The following MYO10 variants were observed in gnomAD, a reference collection of about 807,000 sequenced individuals.
The protein encoded by MYO10 is myosin X.
MYO10 carries 133 observed loss-of-function variants against 257.3 expected under a neutral mutation model. The observed-to-expected ratio is 0.52, with a 90% CI of 0.45 to 0.60. MYO10 has a LOEUF of 0.60. MYO10 is among the 20% of genes least tolerant of loss of function. The pLI is 0.00. For synonymous variants in MYO10, 1,104 were observed against 1,028.6 expected (o/e 1.07, Z -1.40); for missense variants, 2,399 against 2,635.7 (o/e 0.91, Z 1.97).
chr5:16,858,655 T>C (rs544384382), intron 2 of MYO10, among the ~76,000 whole-genome samples: 1 of 152,272 alleles, frequency 6.6e-6, no homozygotes, highest in East Asian at 1.9e-4. Context: ...CAGGCTTCCA[T>C]TGCAGTTCTA....
intron 19 of MYO10, among the ~76,000 whole-genome samples, chr5:16,751,666 T>A (rs13169120): frequency 0.25 from 37,621 of 150,238 alleles, 4,868 homozygotes; most frequent in South Asian, 0.33. Context: ...TTTTTTTTTT[T>A]AGTAGAGACG....
At chr5:16,740,040 G>C (rs972007091) in intron 19 of MYO10, among the ~76,000 whole-genome samples, 6 of 152,182 alleles carry the variant, frequency 3.9e-5, no homozygotes, top group African/African-American at 1.4e-4. Context: ...ACAGAGTGAA[G>C]TGCTGAAGAG....
intron 4 of MYO10, among the ~76,000 whole-genome samples, chr5:16,790,349 G>A (rs925871861): frequency 6.6e-6 from 1 of 152,088 alleles, no homozygotes; most frequent in Admixed American, 6.6e-5. Context: ...GGCCTTGTCT[G>A]TATTATACAC....
chr5:16,767,436 A>C (rs946546654), intron 10 of MYO10, among the ~76,000 whole-genome samples: 2 of 151,898 alleles, frequency 1.3e-5, no homozygotes, highest in African/African-American at 4.8e-5. Flanking sequence ...TCCTAAAGAA[A>C]GTTCTGGGAT....
intron 1 of MYO10, among the ~76,000 whole-genome samples, chr5:16,925,321 A>G (rs1346549126): frequency 1.3e-5 from 2 of 152,222 alleles, no homozygotes; most frequent in Non-Finnish European, 2.9e-5. Flanking sequence ...ATGAAATAAA[A>G]CATCTGCATG....
At chr5:16,924,221 G>A (rs112111213) in intron 1 of MYO10, among the ~76,000 whole-genome samples, 2 of 149,886 alleles carry the variant, frequency 1.3e-5, no homozygotes, top group Non-Finnish European at 3.0e-5. Context: ...GCTGGGGGGT[G>A]AGATGAATGG....
chr5:16,840,411 CTGAATGAA>C (rs58976150), intron 2 of MYO10, among the ~76,000 whole-genome samples: 6,958 of 137,168 alleles, frequency 0.051, 238 homozygotes, highest in Admixed American at 0.093. Context: ...CACTCCATCT[CTGAATGAA>C]TGAATGAATG....
intron 4 of MYO10, among the ~76,000 whole-genome samples, chr5:16,786,606 C>A (rs1011974466): frequency 6.6e-6 from 1 of 151,960 alleles, no homozygotes; most frequent in Non-Finnish European, 1.5e-5. Context: ...TTCTTTGGGG[C>A]AAATTTTCAC....
intron 19 of MYO10, among the ~76,000 whole-genome samples, chr5:16,718,594 A>G (rs1182021589): frequency 6.0e-5 from 9 of 149,242 alleles, no homozygotes; most frequent in Admixed American, 6.0e-4. Flanking sequence ...AAACACACCA[A>G]TCGGCACTCT....
chr5:16,840,367 G>A (rs890329796), intron 2 of MYO10, among the ~76,000 whole-genome samples: 1 of 152,070 alleles, frequency 6.6e-6, no homozygotes, highest in African/African-American at 2.4e-5. Context: ...AGCCAAGATT[G>A]TGCCACTGCA....
At chr5:16,715,392 AT>A (rs372307063) in intron 19 of MYO10, among the ~76,000 whole-genome samples, 1,021 of 84,336 alleles carry the variant, frequency 0.012, 6 homozygotes, top group African/African-American at 0.031. Flanking sequence ...TAAGATTGAA[AT>A]TTTTTTTTTT....
chr5:16,900,991 C>T (rs952492641), intron 1 of MYO10, among the ~76,000 whole-genome samples: 2 of 152,130 alleles, frequency 1.3e-5, no homozygotes, highest in Non-Finnish European at 2.9e-5. Context: ...TCACCCACCT[C>T]GGCCTCCCAA....
At chr5:16,882,316 A>T (rs1694753431) in intron 1 of MYO10, among the ~76,000 whole-genome samples, 1 of 152,218 alleles carries the variant, frequency 6.6e-6, no homozygotes. Flanking sequence ...GAAACTGAGA[A>T]TGTAAAATGG....
In MYO10 at chr5:16,676,018, G is replaced by C; in HGVS notation, c.4666+13C>G. ...ATGGTCTCTGAGGAGTCGGGGTGGA[G>C]CTCTGGACTTACAGTTGAGATTTAT... On this transcript the variant is annotated intron_variant, in intron 34 of 40. Transcript: ENST00000513610. 2 of 1,605,066 alleles carry C rather than the reference G, an allele frequency of 1.2e-6. No homozygotes were observed. The highest frequency in any genetic ancestry group is 1.7e-6 in the Non-Finnish European group (2 of 1,176,886).
intron 9 of MYO10, among the ~76,000 whole-genome samples, chr5:16,778,822 C>T (rs556148201): frequency 6.6e-6 from 1 of 151,400 alleles, no homozygotes; most frequent in South Asian, 2.1e-4. Flanking sequence ...TCCCGAGTAG[C>T]TGGGACTATA....
intron 27 of MYO10, among the ~76,000 whole-genome samples, chr5:16,690,786 T>C (rs1737463807): frequency 6.6e-6 from 1 of 151,962 alleles, no homozygotes; most frequent in Non-Finnish European, 1.5e-5. Flanking sequence ...TTTGGGGTGT[T>C]TGGTCTCAAT....
At chr5:16,666,830 A>G (rs2126446941) in intron 40 of MYO10, 37 bp from the exon 41 acceptor site, 3 of 1,516,930 alleles carry the variant, frequency 2.0e-6, no homozygotes, top group Non-Finnish European at 2.7e-6. Flanking sequence ...CAGCGTCACA[A>G]GTCTCCCCCA....
At chr5:16,855,045 CA>C (rs572481291) in intron 2 of MYO10, among the ~76,000 whole-genome samples, 4 of 148,962 alleles carry the variant, frequency 2.7e-5, no homozygotes, top group Non-Finnish European at 5.9e-5. Context: ...AAAAAAAAAC[CA>C]AAAAAACTGT....
intron 2 of MYO10, among the ~76,000 whole-genome samples, chr5:16,828,729 G>GTTT (rs1554000624): frequency 6.6e-6 from 1 of 151,768 alleles, no homozygotes; most frequent in Non-Finnish European, 1.5e-5. Flanking sequence ...GGTACACTAA[G>GTTT]TTTGTTTTGT....
Sources: allele counts gnomAD v4.1 joint callset (sites outside exome capture counted in the v4.1 genomes callset), GRCh38; gene constraint gnomAD v4.1.1; transcripts MANE v1.5; gene names NCBI Gene and HGNC (gene_info 2026-07-23, HGNC 2026-07-21).